TFF2: variants seen among roughly 807,000 people sequenced by gnomAD.
TFF2 encodes the protein trefoil factor 2.
A neutral mutation model predicts 16.0 loss-of-function variants in TFF2; 19 were observed. That is an observed-to-expected ratio of 1.19 (90% CI 0.83 to 1.74). The LOEUF is 1.74. Ranked by LOEUF, TFF2 falls within the 40% of genes most tolerant of loss-of-function variation. The probability of loss-of-function intolerance (pLI) is 0.00; values close to 1 mark genes in which losing one functional copy is unlikely to be tolerated. For synonymous variants in TFF2, 61 were observed against 65.4 expected (o/e 0.93, Z 0.32); for missense variants, 168 against 166.8 (o/e 1.01, Z -0.04).
Position 42,349,919 on chromosome 21 carries a change from G to C in TFF2, c.191C>G (p.Thr64Ser). 1 of 1,601,658 alleles carries C rather than the reference G, an allele frequency of 6.2e-7. No homozygotes were observed. Among genetic ancestry groups the C allele is most frequent in the Non-Finnish European group, 8.5e-7 (1 of 1,174,014 alleles). The change falls in exon 2 of 4, where the codon ACT (threonine) becomes AGT (serine). Residue 64 changes from threonine (T) to serine (S), a missense_variant. Physicochemically the swap from Thr to Ser is moderately conservative, Grantham distance 58. Coordinates refer to ENST00000291526, the MANE Select transcript of TFF2 (RefSeq NM_005423.5). ...DNGCCFDSSV[T>S]GVPWCFHPLP... ...GGGGTGGAAACACCAGGGGACCCCAGTGACACTGGAGTCGAAACAGCATCC... is the reference window on the plus strand; with the variant it reads ...GGGGTGGAAACACCAGGGGACCCCACTGACACTGGAGTCGAAACAGCATCC...
intron 2 of TFF2, among the ~76,000 whole-genome samples, chr21:42,347,979 G>A (rs1003843111): frequency 2.6e-5 from 4 of 152,164 alleles, no homozygotes; most frequent in African/African-American, 9.7e-5. Context: ...TCAGTAAATG[G>A]GGTGGTCCCC....
chr21:42,348,449 T>TATA lies in TFF2; in HGVS notation c.230-818_230-817insTAT, dbSNP rs1568859304. Among the ~76,000 whole-genome samples, 217 of 152,164 alleles carry TATA rather than the reference T, an allele frequency of 1.4e-3. 1 individual carries two copies. Among genetic ancestry groups the TATA allele is most frequent in the African/African-American group, 5.0e-3 (207 of 41,496 alleles). On this transcript the variant is annotated intron_variant, in intron 2 of 3. Transcript: ENST00000291526. ...GGAGACCTACTATATATATATATAT[T>TATA]TTTTTCTCAACTAAAGTAAAACTGA...
chr21:42,348,080 T>TG (rs1215522581), intron 2 of TFF2, among the ~76,000 whole-genome samples: 1 of 152,182 alleles, frequency 6.6e-6, no homozygotes, highest in African/African-American at 2.4e-5. Context: ...TGCCATTCAG[T>TG]GGGCGCTCGT....
intron 2 of TFF2, among the ~76,000 whole-genome samples, chr21:42,347,990 C>G (rs375685492): frequency 6.6e-6 from 1 of 152,202 alleles, no homozygotes; most frequent in African/African-American, 2.4e-5. Context: ...GGTGGTCCCC[C>G]GGGCCAAGAT....
chr21:42,350,948 G>A lies in TFF2; in HGVS notation c.10C>T (p.Arg4Ter), dbSNP rs1204626263. The change falls in exon 1 of 4, where the codon CGA (arginine) becomes TGA (stop). Residue 4 changes from arginine to a stop codon, truncating the protein, a stop_gained. Coordinates refer to ENST00000291526, the MANE Select transcript of TFF2 (RefSeq NM_005423.5). LOFTEE classifies it high-confidence loss of function. MGR[R>*]DAQLLAALLV... ...AGCGCTGCCAGGAGCTGGGCGTCTC[G>A]CCGTCCCATGTCTAGCTCAGCTGCA... 5.0e-6 allele frequency: 8 copies of A among 1,613,852 alleles called. No individual in the cohort carries two copies. Among genetic ancestry groups the A allele is most frequent in the South Asian group, 2.2e-5 (2 of 91,016 alleles).
chr21:42,349,852 T>C (rs1310232431), intron 2 of TFF2, 29 bp downstream of exon 2: 2 of 1,563,744 alleles, frequency 1.3e-6, no homozygotes, highest in Non-Finnish European at 1.7e-6. Flanking sequence ...TGCCAGCTGC[T>C]GGCCCAGGAA....
At chr21:42,346,910 G>T (rs1174344076) in intron 3 of TFF2, among the ~76,000 whole-genome samples, 1 of 152,200 alleles carries the variant, frequency 6.6e-6, no homozygotes, top group African/African-American at 2.4e-5. Flanking sequence ...CATTTTCCTG[G>T]ATCTGCTTGG....
chr21:42,349,982 C>G lies in TFF2; in HGVS notation c.128G>C (p.Gly43Ala), dbSNP rs756790034. The G allele has an allele frequency of 4.4e-6, 7 of 1,599,972 alleles. No homozygotes were observed. The Admixed American group carries it at 1.0e-4, about 24-fold the overall frequency. The change falls in exon 2 of 4, where the codon GGC (glycine) becomes GCC (alanine). Residue 43 changes from glycine (G) to alanine (A), a missense_variant. Coordinates refer to ENST00000291526, the MANE Select transcript of TFF2 (RefSeq NM_005423.5). ...RLSPHNRTNC[G>A]FPGITSDQCF... Reference sequence around the variant, plus strand: ...CTGGTCACTGGTGATTCCAGGGAAGCCGCAGTTCGTCCTGTTATGGGGGCT... The same window carrying G: ...CTGGTCACTGGTGATTCCAGGGAAGGCGCAGTTCGTCCTGTTATGGGGGCT...
intron 1 of TFF2, 71 bp downstream of exon 1, chr21:42,350,808 A>G (rs2052110950): frequency 7.5e-6 from 11 of 1,465,536 alleles, no homozygotes; most frequent in Non-Finnish European, 9.2e-6. Context: ...AAGTTAATTT[A>G]TGGTTGTGCT....
At position 42,347,652 on chromosome 21, in the gene TFF2, G is replaced by A. The variant is rs2052080321; in HGVS notation, c.230-20C>T. The A allele has an allele frequency of 1.2e-6, 2 of 1,612,052 alleles. No homozygotes were observed. Among genetic ancestry groups the A allele is most frequent in the African/African-American group, 1.3e-5 (1 of 74,904 alleles). Reference sequence around the variant, plus strand: ...CCGACTCTGCCATGGGACAGGCACAGCACCGAGACCCAGTCAGGCCTGCTG... The same window carrying A: ...CCGACTCTGCCATGGGACAGGCACAACACCGAGACCCAGTCAGGCCTGCTG... On this transcript the variant is annotated intron_variant, in intron 2 of 3. Coordinates refer to ENST00000291526, the MANE Select transcript of TFF2 (RefSeq NM_005423.5).
chr21:42,348,221 ACCTT>A (rs74756941), intron 2 of TFF2, among the ~76,000 whole-genome samples: 26,199 of 151,864 alleles, frequency 0.17, 2,327 homozygotes, highest in Middle Eastern at 0.31. Flanking sequence ...CACACACACA[ACCTT>A]CCTTTGAGCA....
intron 2 of TFF2, among the ~76,000 whole-genome samples, chr21:42,349,131 G>A (rs1264190449): frequency 6.6e-6 from 1 of 150,408 alleles, no homozygotes; most frequent in Non-Finnish European, 1.5e-5. Flanking sequence ...ACCAACCTGG[G>A]CTAGCCCTAG....
Position 42,346,445 on chromosome 21 carries a change from C to T in TFF2, c.*88G>A, listed in dbSNP as rs1351274002. On this transcript the variant is annotated 3_prime_UTR_variant, in exon 4 of 4. Transcript: ENST00000291526. The stretch of plus-strand genomic sequence containing the variant: ...AGATGGTTAAGAAAACCCAGGATTT[C>T]ATGAAGTATGAAGCTGATAAGGCGA... 1 of 1,509,618 alleles carries T rather than the reference C, an allele frequency of 6.6e-7. No individual in the cohort carries two copies. Among genetic ancestry groups the T allele is most frequent in the Non-Finnish European group, 9.2e-7 (1 of 1,092,068 alleles). The allele number at this position is 1,509,618 out of a possible 1,614,324, so 93.5% of individuals were successfully genotyped here. A position where few individuals can be genotyped will look rare whatever the true frequency, so the allele number is the denominator to read the frequency against.
intron 3 of TFF2, among the ~76,000 whole-genome samples, chr21:42,347,027 G>A (rs1047413401): frequency 6.6e-6 from 1 of 152,214 alleles, no homozygotes; most frequent in Non-Finnish European, 1.5e-5. Context: ...GGGACTGCCC[G>A]GAGCAGGACG....
At chr21:42,350,828 T>A (rs1568860571) in intron 1 of TFF2, 51 bp downstream of exon 1, 1 of 1,487,512 alleles carries the variant, frequency 6.7e-7, no homozygotes, top group Non-Finnish European at 9.1e-7. Flanking sequence ...TTTTTTTTTT[T>A]CTTTAAGAGA....
At chr21:42,346,845 T>C (rs867381816) in intron 3 of TFF2, among the ~76,000 whole-genome samples, 14 of 152,358 alleles carry the variant, frequency 9.2e-5, no homozygotes, top group African/African-American at 3.1e-4. Context: ...AGTGCTTTGA[T>C]ATCCTAACAA....
intron 2 of TFF2, among the ~76,000 whole-genome samples, chr21:42,348,277 CAT>C (rs1200071636): frequency 6.6e-6 from 1 of 152,186 alleles, no homozygotes; most frequent in African/African-American, 2.4e-5. Context: ...CGTGCACTAA[CAT>C]AAAACTCACT....
chr21:42,350,171 T>C lies in TFF2; in HGVS notation c.80-141A>G, dbSNP rs1021604215. ...TCTTATCTTGCCCATATTTAAGCAATGCGGTTTCCTCCTGAGAAGCCGATA... is the reference window on the plus strand; with the variant it reads ...TCTTATCTTGCCCATATTTAAGCAACGCGGTTTCCTCCTGAGAAGCCGATA... On this transcript the variant is annotated intron_variant, in intron 1 of 3. Coordinates refer to ENST00000291526, the MANE Select transcript of TFF2 (RefSeq NM_005423.5). 10 of 1,337,198 alleles carry C rather than the reference T, an allele frequency of 7.5e-6. No homozygotes were observed. The African/African-American group carries it at 1.3e-4, about 18-fold the overall frequency. 82.8% of individuals were successfully genotyped at this position (1,337,198 alleles called of 1,614,324 possible).
In TFF2 at chr21:42,346,622, G is replaced by A. The variant is rs2052070377; in HGVS notation, c.377-76C>T. 1.1e-5 allele frequency: 16 copies of A among 1,492,756 alleles called. No individual in the cohort carries two copies. In the South Asian group the frequency reaches 2.1e-4, roughly 19 times the overall value. The allele number at this position is 1,492,756 out of a possible 1,614,324, so 92.5% of individuals were successfully genotyped here. A position where few individuals can be genotyped will look rare whatever the true frequency, so the allele number is the denominator to read the frequency against. On this transcript the variant is annotated intron_variant, in intron 3 of 3. Transcript: ENST00000291526. ...TGCCTAGGCTGCGAAGCTGGGGTGG[G>A]CGTGCATCACTTTGCCCAGGAGCTT...
Sources: allele counts gnomAD v4.1 joint callset (sites outside exome capture counted in the v4.1 genomes callset), GRCh38; gene constraint gnomAD v4.1.1; transcripts MANE v1.5; gene names NCBI Gene and HGNC (gene_info 2026-07-23, HGNC 2026-07-21).